EXOC2: variants seen among roughly 807,000 people sequenced by gnomAD.
EXOC2 encodes exocyst complex component 2, also known as SEC5-like 1.
EXOC2 carries 70 observed loss-of-function variants against 131.8 expected under a neutral mutation model. The observed-to-expected ratio is 0.53, with a 90% CI of 0.44 to 0.65. The LOEUF (loss-of-function observed/expected upper bound fraction) is 0.65, where lower values mean the gene tolerates loss of function less well. Among genes scored for constraint, EXOC2 ranks in the 30% least tolerant of loss-of-function variants. The pLI, the probability that EXOC2 is intolerant of heterozygous loss-of-function variation, is 0.00. For missense variants in EXOC2, 923 were observed against 1,108.6 expected (o/e 0.83, Z 2.38); for synonymous variants, 411 against 398.4 (o/e 1.03, Z -0.38).
chr6:556,886 G>A (rs1343595750), intron 17 of EXOC2, among the ~76,000 whole-genome samples: 1 of 152,172 alleles, frequency 6.6e-6, no homozygotes, highest in Non-Finnish European at 1.5e-5. Context: ...CAGATATAAT[G>A]AGTTTATATT....
intron 4 of EXOC2, among the ~76,000 whole-genome samples, chr6:621,954 G>C (rs1761314318): frequency 6.6e-6 from 1 of 152,214 alleles, no homozygotes; most frequent in Non-Finnish European, 1.5e-5. Context: ...TAGAGACTGA[G>C]TGGAGGCTTA....
chr6:572,834 G>T (rs752014602), intron 12 of EXOC2, among the ~76,000 whole-genome samples, 190 bp from the exon 13 acceptor site: 1 of 152,152 alleles, frequency 6.6e-6, no homozygotes, highest in African/African-American at 2.4e-5. Context: ...AGACACCCCC[G>T]CATTTCTCCT....
intron 14 of EXOC2, 44 bp downstream of exon 14, chr6:564,820 C>T (rs576139445): frequency 1.3e-6 from 2 of 1,593,676 alleles, no homozygotes; most frequent in South Asian, 2.3e-5. Context: ...AAAGGAAAAA[C>T]CCTACCCTGT....
intron 1 of EXOC2, among the ~76,000 whole-genome samples, chr6:640,938 G>A (rs908785505): frequency 6.6e-6 from 1 of 151,162 alleles, no homozygotes; most frequent in Non-Finnish European, 1.5e-5. Context: ...AATTAATATC[G>A]AGAGAAATTT....
intron 23 of EXOC2, among the ~76,000 whole-genome samples, chr6:507,170 CCACACACACAGCAGTGACCCCCCCCACA>C (rs1764595850): frequency 2.7e-5 from 1 of 37,584 alleles, no homozygotes; most frequent in Non-Finnish European, 5.4e-5. Context: ...ACCCCCCCAC[CCACACACACAGCAGTGACCCCCCCCACA>C]CACACACACA....
intron 11 of EXOC2, among the ~76,000 whole-genome samples, chr6:587,246 G>T (rs898423335): frequency 6.8e-6 from 1 of 146,232 alleles, no homozygotes; most frequent in East Asian, 2.0e-4. Flanking sequence ...GTAGATATGT[G>T]TATTTTTTTT....
chr6:486,808 G>A (rs368337166), intron 27 of EXOC2, 44 bp from the exon 28 acceptor site: 71 of 1,530,824 alleles, frequency 4.6e-5, no homozygotes, highest in South Asian at 6.8e-5. Context: ...CAGATGGGGC[G>A]GCCTAGCAAC....
At chr6:507,272 CACACACACACACAGCAGTGACT>C in intron 23 of EXOC2, among the ~76,000 whole-genome samples, 1 of 112,236 alleles carries the variant, frequency 8.9e-6, no homozygotes, top group Non-Finnish European at 1.7e-5. Flanking sequence ...GCAGTGACTA[CACACACACACACAGCAGTGACT>C]ACACACACAC....
At chr6:688,959 A>G (rs1764791744) in intron 1 of EXOC2, among the ~76,000 whole-genome samples, 1 of 152,272 alleles carries the variant, frequency 6.6e-6, no homozygotes, top group African/African-American at 2.4e-5. Flanking sequence ...TAAAATGAGA[A>G]AAGGCCTTTA....
In EXOC2 at chr6:496,153, T is replaced by C. The variant is rs144987912; in HGVS notation, c.2559+1214A>G. Among the ~76,000 whole-genome samples, 295 of 152,288 alleles carry C rather than the reference T, an allele frequency of 1.9e-3. 1 individual carries two copies. Among genetic ancestry groups the C allele is most frequent in the African/African-American group, 7.0e-3 (291 of 41,566 alleles). On this transcript the variant is annotated intron_variant, in intron 25 of 27. Coordinates refer to ENST00000230449, the MANE Select transcript of EXOC2 (RefSeq NM_018303.6). ...TCTGATGCCGCTGTGTTAAAATCCTTGTCTGCTAATTCCAATACCTGGGTC... is the reference window on the plus strand; with the variant it reads ...TCTGATGCCGCTGTGTTAAAATCCTCGTCTGCTAATTCCAATACCTGGGTC...
At chr6:488,108 T>TGCGCGCC (rs1763190153) in intron 27 of EXOC2, among the ~76,000 whole-genome samples, 1 of 152,212 alleles carries the variant, frequency 6.6e-6, no homozygotes, top group African/African-American at 2.4e-5. Context: ...CCACGTGGGA[T>TGCGCGCC]GCGTGCGGGG....
rs577965459 is a variant in EXOC2 at position 601,002 on chromosome 6, G to C, written c.743-1777C>G. Among the ~76,000 whole-genome samples the C allele has an allele frequency of 3.9e-4, 59 of 152,144 alleles. 1 individual carries two copies. Among genetic ancestry groups the C allele is most frequent in the South Asian group, 1.5e-3 (7 of 4,820 alleles). On this transcript the variant is annotated intron_variant, in intron 7 of 27. Transcript: ENST00000230449. ...ATGTATTCAGTAATAAAATACATGA[G>C]GGCAGTGAAACCAAGATTTGTGCAA...
At chr6:649,493 C>A (rs1389848109) in intron 1 of EXOC2, among the ~76,000 whole-genome samples, 1 of 151,678 alleles carries the variant, frequency 6.6e-6, no homozygotes, top group South Asian at 2.1e-4. Flanking sequence ...CTATCCATTA[C>A]CAAAGAGAAT....
At chr6:603,172 C>A (rs1179925173) in intron 7 of EXOC2, among the ~76,000 whole-genome samples, 1 of 152,144 alleles carries the variant, frequency 6.6e-6, no homozygotes, top group Non-Finnish European at 1.5e-5. Flanking sequence ...AGGAACGCCC[C>A]CTCACCTGCT....
chr6:637,063 A>AG (rs1762135436), intron 2 of EXOC2, among the ~76,000 whole-genome samples: 1 of 152,188 alleles, frequency 6.6e-6, no homozygotes, highest in South Asian at 2.1e-4. Flanking sequence ...CTACCATGCA[A>AG]GCCAACATCC....
chr6:671,806 A>T (rs1003936064), intron 1 of EXOC2, among the ~76,000 whole-genome samples: 2 of 152,140 alleles, frequency 1.3e-5, no homozygotes, highest in African/African-American at 4.8e-5. Context: ...CCCTTATGTA[A>T]GGTGTCCATC....
At position 499,650 on chromosome 6, in the gene EXOC2, C is replaced by A. The variant is rs143224673; in HGVS notation, c.2431G>T (p.Ala811Ser). The A allele has an allele frequency of 1.9e-6, 3 of 1,613,134 alleles. No homozygotes were observed. Among genetic ancestry groups the A allele is most frequent in the Non-Finnish European group, 2.5e-6 (3 of 1,179,372 alleles). Residue 811 changes from alanine to serine, a missense_variant, in exon 24 of 28, where the codon GCA becomes TCA. Physicochemically the swap from Ala to Ser is moderately conservative, Grantham distance 99. Transcript: ENST00000230449. Reference sequence around the variant, plus strand: ...AACATCTAATGATACTTTACCTCTGCATGCACGGCAATTATATTCACCAGT... The same window carrying A: ...AACATCTAATGATACTTTACCTCTGAATGCACGGCAATTATATTCACCAGT... Reference protein sequence around the residue: ...EALVNIIAVHAEVFTISKELV... With the variant: ...EALVNIIAVHSEVFTISKELV...
chr6:497,478 A>G lies in EXOC2; in HGVS notation c.2448T>C (p.Ile816=), dbSNP rs781493369. 3.1e-6 allele frequency: 5 copies of G among 1,610,846 alleles called. No homozygotes were observed. The highest frequency in any genetic ancestry group is 4.2e-6 in the Non-Finnish European group (5 of 1,178,708). ...GTACCCGAGGGACCAGTTCTTTGGA[A>G]ATGGTGAACACCTGGTTTGAAATAG... is the stretch of plus-strand genomic sequence containing the variant. ...IIAVHAEVFT[I]SKELVPRVLS... is the part of the protein sequence containing the mutation. Residue 816 remains isoleucine, a synonymous_variant, in exon 25 of 28, where the codon ATT becomes ATC. Transcript: ENST00000230449.
At chr6:655,225 C>T (rs1331892874) in intron 1 of EXOC2, among the ~76,000 whole-genome samples, 1 of 152,242 alleles carries the variant, frequency 6.6e-6, no homozygotes, top group East Asian at 1.9e-4. Context: ...CAGCAGCTAT[C>T]AAGAGGGAGG....
Sources: allele counts gnomAD v4.1 joint callset (sites outside exome capture counted in the v4.1 genomes callset), GRCh38; gene constraint gnomAD v4.1.1; transcripts MANE v1.5; gene names NCBI Gene and HGNC (gene_info 2026-07-23, HGNC 2026-07-21).